Variants in CNTN4 observed in about 807,000 individuals in gnomAD.
CNTN4 encodes the protein contactin 4.
In CNTN4, 77 loss-of-function variants were observed where a neutral mutation model predicts 122.5. The observed-to-expected ratio is 0.63, with a 90% CI of 0.52 to 0.76. CNTN4 has a LOEUF of 0.76. Among genes scored for constraint, CNTN4 ranks in the 30% least tolerant of loss-of-function variants. CNTN4 has a pLI of 0.00. For missense variants in CNTN4, 1,256 were observed against 1,259.1 expected (o/e 1.00, Z 0.04); for synonymous variants, 512 against 447.0 (o/e 1.15, Z -1.83).
At chr3:2,540,469 C>T (rs927276055) in intron 3 of CNTN4, among the ~76,000 whole-genome samples, 1 of 151,924 alleles carries the variant, frequency 6.6e-6, no homozygotes, top group Admixed American at 6.6e-5. Flanking sequence ...GGAGAAAAGA[C>T]GGTGGGGGAA....
intron 6 of CNTN4, among the ~76,000 whole-genome samples, chr3:2,759,076 A>C (rs1466027135): frequency 6.6e-6 from 1 of 152,204 alleles, no homozygotes; most frequent in Non-Finnish European, 1.5e-5. Context: ...ATGAAATCGT[A>C]ATATATGTGG....
intron 3 of CNTN4, among the ~76,000 whole-genome samples, chr3:2,478,399 T>TA (rs2151557100): frequency 1.1e-5 from 1 of 88,512 alleles, no homozygotes; most frequent in African/African-American, 4.4e-5. Flanking sequence ...GTCTTTTCTT[T>TA]ATCTGTTTGT....
chr3:2,348,070 T>TGGGCTTTCTTTGG (rs2044471675), intron 3 of CNTN4, among the ~76,000 whole-genome samples: 3 of 152,210 alleles, frequency 2.0e-5, no homozygotes, highest in African/African-American at 7.2e-5. Flanking sequence ...CCCACCTTAG[T>TGGGCTTTCTTTGG]GAACTACTTC....
chr3:2,193,533 C>G (rs1241618886), intron 2 of CNTN4, among the ~76,000 whole-genome samples: 1 of 152,146 alleles, frequency 6.6e-6, no homozygotes, highest in African/African-American at 2.4e-5. Context: ...TGGCCATAGA[C>G]TGGATCTTGA....
chr3:2,201,737 C>CA (rs1275823591), intron 2 of CNTN4, among the ~76,000 whole-genome samples: 4 of 151,678 alleles, frequency 2.6e-5, no homozygotes, highest in East Asian at 1.9e-4. Context: ...GCGCTGCTGG[C>CA]AAAAAAGGAT....
chr3:2,379,536 ACTG>A (rs1207405339), intron 3 of CNTN4, among the ~76,000 whole-genome samples: 1 of 152,170 alleles, frequency 6.6e-6, no homozygotes, highest in East Asian at 1.9e-4. Flanking sequence ...TTTTTATATA[ACTG>A]CTATGTTAGT....
At chr3:2,730,170 T>C (rs961860838) in intron 4 of CNTN4, among the ~76,000 whole-genome samples, 1 of 152,166 alleles carries the variant, frequency 6.6e-6, no homozygotes, top group Non-Finnish European at 1.5e-5. Flanking sequence ...ATATATATAA[T>C]GAGATATCCT....
At chr3:2,655,818 G>A (rs887684901) in intron 4 of CNTN4, among the ~76,000 whole-genome samples, 7 of 152,052 alleles carry the variant, frequency 4.6e-5, no homozygotes, top group Non-Finnish European at 1.0e-4. Flanking sequence ...AAATCACTGC[G>A]GGATTACCAA....
intron 2 of CNTN4, among the ~76,000 whole-genome samples, chr3:2,219,193 T>C (rs1222581548): frequency 6.6e-6 from 1 of 152,208 alleles, no homozygotes; most frequent in East Asian, 1.9e-4. Context: ...AGGTAGAGGG[T>C]TAGTGATTTA....
intron 3 of CNTN4, among the ~76,000 whole-genome samples, chr3:2,540,884 C>T (rs543217687): frequency 6.6e-6 from 1 of 152,168 alleles, no homozygotes; most frequent in East Asian, 1.9e-4. Flanking sequence ...GGGAAGCAGC[C>T]AATATTGTCA....
In CNTN4 at chr3:2,871,287, G is replaced by C. The variant is rs147682083; in HGVS notation, c.652+4338G>C. ...TACTTTGAACAGTGACAAAACAGAA[G>C]TATATCATCAATAACTTTCTTACCT... On this transcript the variant is annotated intron_variant, in intron 8 of 24. Coordinates refer to ENST00000418658, the MANE Select transcript of CNTN4 (RefSeq NM_175607.3). 2.9e-3 allele frequency among the ~76,000 whole-genome samples: 447 copies of C among 152,264 alleles called. 2 individuals are homozygous for C. The highest frequency in any genetic ancestry group is 0.01 in the African/African-American group (419 of 41,552).
At chr3:2,574,210 C>G (rs2079559040) in intron 4 of CNTN4, among the ~76,000 whole-genome samples, 1 of 151,678 alleles carries the variant, frequency 6.6e-6, no homozygotes, top group Non-Finnish European at 1.5e-5. Flanking sequence ...GAGTGAAACT[C>G]CATCTCACCA....
intron 3 of CNTN4, among the ~76,000 whole-genome samples, chr3:2,550,161 A>T (rs1481474386): frequency 6.6e-6 from 1 of 152,004 alleles, no homozygotes; most frequent in Non-Finnish European, 1.5e-5. Flanking sequence ...TCCTGGAGTC[A>T]TTGATTTTTT....
intron 7 of CNTN4, among the ~76,000 whole-genome samples, chr3:2,858,218 A>G (rs1279816674): frequency 6.6e-6 from 1 of 152,202 alleles, no homozygotes; most frequent in African/African-American, 2.4e-5. Context: ...CATCAGCAGC[A>G]CCTAGAAACT....
intron 4 of CNTN4, among the ~76,000 whole-genome samples, chr3:2,675,042 C>A (rs1472259970): frequency 1.3e-5 from 2 of 151,880 alleles, no homozygotes; most frequent in East Asian, 3.9e-4. Context: ...AAAGCAAAAA[C>A]AGACAAATGG....
chr3:2,531,495 C>T (rs1302322613), intron 3 of CNTN4, among the ~76,000 whole-genome samples: 1 of 152,090 alleles, frequency 6.6e-6, no homozygotes, highest in African/African-American at 2.4e-5. Flanking sequence ...AAGCTGTTAC[C>T]CCTAGCTTGT....
At chr3:2,301,942 A>C (rs1345838296) in intron 2 of CNTN4, among the ~76,000 whole-genome samples, 1 of 152,250 alleles carries the variant, frequency 6.6e-6, no homozygotes, top group Admixed American at 6.5e-5. Flanking sequence ...GAAAGTCTGA[A>C]ATTGATGAGA....
chr3:2,104,205 C>T (rs1234874944), intron 2 of CNTN4, among the ~76,000 whole-genome samples: 4 of 150,614 alleles, frequency 2.7e-5, no homozygotes, highest in Non-Finnish European at 5.9e-5. Context: ...CCAATTTTTT[C>T]CACTTCTGTG....
chr3:3,043,132 T>G lies in CNTN4; in HGVS notation c.2667T>G (p.Ser889Arg). The G allele has an allele frequency of 6.2e-7, 1 of 1,614,138 alleles. No homozygotes were observed. Among genetic ancestry groups the G allele is most frequent in the Non-Finnish European group, 8.5e-7 (1 of 1,180,016 alleles). ...AYNSAGTGPS[S>R]ATVNVTTRKP... The stretch of plus-strand genomic sequence containing the variant: ...ATTCTGCTGGGACAGGCCCCTCTAG[T>G]GCAACAGTCAATGTGACAACCCGAA... The change falls in exon 22 of 25, where the codon AGT becomes AGG. Residue 889 changes from serine to arginine, a missense_variant. Coordinates refer to ENST00000418658, the MANE Select transcript of CNTN4 (RefSeq NM_175607.3).
Sources: gnomAD v4.1 joint callset for allele counts (sites outside exome capture counted in the v4.1 genomes callset) on GRCh38, gnomAD v4.1.1 for gene constraint, MANE v1.5 for transcripts, NCBI Gene and HGNC (gene_info 2026-07-23, HGNC 2026-07-21) for gene names.